The following PSTPIP2 variants were observed in gnomAD, a reference collection of about 807,000 sequenced individuals.
PSTPIP2 encodes proline-serine-threonine phosphatase-interacting protein 2.
In PSTPIP2, 33 loss-of-function variants were observed where a neutral mutation model predicts 63.3. The observed-to-expected ratio is 0.52, with a 90% confidence interval of 0.40 to 0.70. The LOEUF (loss-of-function observed/expected upper bound fraction) is 0.70. Ranked by LOEUF, PSTPIP2 falls within the 30% of genes least tolerant of loss-of-function variation. The pLI is 0.00. For synonymous variants in PSTPIP2, 125 were observed against 132.7 expected (o/e 0.94, Z 0.40); for missense variants, 312 against 400.7 (o/e 0.78, Z 1.89).
At chr18:46,063,115 G>C (rs1036421294) in intron 1 of PSTPIP2, among the ~76,000 whole-genome samples, 1 of 152,132 alleles carries the variant, frequency 6.6e-6, no homozygotes, top group African/African-American at 2.4e-5. Context: ...TGATCCTTCT[G>C]CCTCAGCCTC....
intron 1 of PSTPIP2, among the ~76,000 whole-genome samples, chr18:46,046,770 T>C (rs1383097522): frequency 1.3e-5 from 2 of 152,196 alleles, no homozygotes; most frequent in Non-Finnish European, 2.9e-5. Flanking sequence ...ATTTCATTGT[T>C]TAAAAAACCT....
chr18:46,059,897 G>A (rs1184650088), intron 1 of PSTPIP2, among the ~76,000 whole-genome samples: 2 of 152,156 alleles, frequency 1.3e-5, no homozygotes, highest in Admixed American at 6.5e-5. Context: ...CGGGCGTGGT[G>A]GCACATGCCT....
In PSTPIP2 at chr18:46,033,722, T is replaced by C. The variant is rs527737237; in HGVS notation, c.134+6225A>G. Among the ~76,000 whole-genome samples, 4 of 135,700 alleles carry C rather than the reference T, an allele frequency of 2.9e-5. No individual in the cohort carries two copies. The South Asian group carries it at 9.3e-4, about 31-fold the overall frequency. The allele number at this position is 135,700 out of a possible 152,430, so 89.0% of individuals were successfully genotyped here. A position where few individuals can be genotyped will look rare whatever the true frequency, so the allele number is the denominator to read the frequency against. ...CGAAAAAAAAAAAAAAAAAAGACAA[T>C]GTGAAGACACAGGGGAACAACACCA... On this transcript the variant is annotated intron_variant, in intron 2 of 14. Transcript: ENST00000409746.
chr18:46,023,462 G>C (rs573973021), intron 3 of PSTPIP2, among the ~76,000 whole-genome samples: 4 of 152,218 alleles, frequency 2.6e-5, no homozygotes, highest in Admixed American at 1.3e-4. Flanking sequence ...GGTAAGCTGA[G>C]GCAGGATAAT....
At chr18:46,034,904 C>T (rs1435375705) in intron 2 of PSTPIP2, among the ~76,000 whole-genome samples, 3 of 152,136 alleles carry the variant, frequency 2.0e-5, no homozygotes, top group Admixed American at 2.0e-4. Flanking sequence ...AATATAATCT[C>T]ATTTAATCAT....
chr18:46,029,216 G>T, intron 2 of PSTPIP2: 1 of 1,059,752 alleles, frequency 9.4e-7, no homozygotes. Context: ...TCAAGTGAGA[G>T]GTTTGAAAGA....
chr18:46,029,772 C>T (rs79484994), intron 2 of PSTPIP2: 23,243 of 540,636 alleles, frequency 0.043, 688 homozygotes, highest in Non-Finnish European at 0.053. Context: ...CTCATGTTTA[C>T]GCCATGGAAT....
intron 1 of PSTPIP2, among the ~76,000 whole-genome samples, chr18:46,055,694 C>G (rs534534713): frequency 2.6e-5 from 4 of 152,312 alleles, no homozygotes; most frequent in Admixed American, 2.6e-4. Flanking sequence ...TAACAGCTTA[C>G]CCGCAATGAC....
At chr18:46,067,495 T>C (rs1262249888) in intron 1 of PSTPIP2, among the ~76,000 whole-genome samples, 4 of 122,140 alleles carry the variant, frequency 3.3e-5, no homozygotes, top group Admixed American at 8.1e-5. Context: ...AGGGCGAGAC[T>C]CTGTCTCAAA....
intron 1 of PSTPIP2, among the ~76,000 whole-genome samples, chr18:46,049,268 C>A (rs1908499055): frequency 6.6e-6 from 1 of 151,794 alleles, no homozygotes; most frequent in African/African-American, 2.4e-5. Context: ...GATGAGAACA[C>A]ATGGACACAT....
At chr18:46,064,621 G>A (rs1909117246) in intron 1 of PSTPIP2, among the ~76,000 whole-genome samples, 1 of 151,864 alleles carries the variant, frequency 6.6e-6, no homozygotes, top group Admixed American at 6.6e-5. Context: ...TTTCTTAATG[G>A]AGTAGAGGCA....
chr18:46,013,459 G>A (rs1440888599), intron 4 of PSTPIP2, among the ~76,000 whole-genome samples: 1 of 152,078 alleles, frequency 6.6e-6, no homozygotes, highest in African/African-American at 2.4e-5. Context: ...AAGCTTTAGA[G>A]GCAGGTTCTG....
intron 14 of PSTPIP2, among the ~76,000 whole-genome samples, chr18:45,986,649 G>T (rs1425968952): frequency 6.6e-6 from 1 of 152,156 alleles, no homozygotes; most frequent in African/African-American, 2.4e-5. Flanking sequence ...AAATGAAGAA[G>T]AAATGATGAC....
chr18:45,988,769 G>A lies in PSTPIP2; in HGVS notation c.956-10C>T. On this transcript the variant is annotated splice_polypyrimidine_tract_variant and intron_variant, in intron 13 of 14. Transcript: ENST00000409746. ...GAGTAATTGGGATCATCTGCAAAAG[G>A]CAGAACACAGAAAACAACAGTAACA... 1.9e-6 allele frequency: 3 copies of A among 1,552,660 alleles called. No homozygotes were observed. In the Admixed American group the frequency reaches 5.0e-5, roughly 26 times the overall value.
chr18:46,009,389 A>C (rs1284699219), intron 5 of PSTPIP2, among the ~76,000 whole-genome samples: 2 of 93,344 alleles, frequency 2.1e-5, no homozygotes, highest in Non-Finnish European at 4.1e-5. Context: ...AAAAAAAAAA[A>C]AACCTAGCTA....
chr18:45,999,046 G>C (rs926624582), intron 7 of PSTPIP2, among the ~76,000 whole-genome samples: 1 of 152,156 alleles, frequency 6.6e-6, no homozygotes, highest in African/African-American at 2.4e-5. Flanking sequence ...ATCTTGCCCA[G>C]TGTCTTCCTA....
intron 1 of PSTPIP2, among the ~76,000 whole-genome samples, chr18:46,064,173 T>G: frequency 6.6e-6 from 1 of 152,160 alleles, no homozygotes; most frequent in Non-Finnish European, 1.5e-5. Flanking sequence ...TTTGGGGTTT[T>G]CTATTACTTG....
chr18:46,051,531 T>C (rs951138251), intron 1 of PSTPIP2, among the ~76,000 whole-genome samples: 1 of 152,186 alleles, frequency 6.6e-6, no homozygotes, highest in African/African-American at 2.4e-5. Context: ...TTCTATTATG[T>C]ATGTTAAGGT....
chr18:46,018,212 T>G (rs1325985857), intron 3 of PSTPIP2, among the ~76,000 whole-genome samples: 2 of 152,120 alleles, frequency 1.3e-5, no homozygotes, highest in African/African-American at 4.8e-5. Context: ...ATTTATTGCT[T>G]CTGTTGACAC....
Sources: allele counts gnomAD v4.1 joint callset (sites outside exome capture counted in the v4.1 genomes callset), GRCh38; gene constraint gnomAD v4.1.1; transcripts MANE v1.5; gene names NCBI Gene and HGNC (gene_info 2026-07-23, HGNC 2026-07-21).